GALNT1: variants seen among roughly 807,000 people sequenced by gnomAD.
GALNT1 encodes the protein polypeptide N-acetylgalactosaminyltransferase 1.
Under a neutral mutation model 65.7 loss-of-function variants are expected in GALNT1, and 17 were observed. The ratio of observed to expected loss-of-function variants is 0.26; its 90% CI spans 0.18 to 0.39. The LOEUF is 0.39. Among genes scored for constraint, GALNT1 ranks in the 10% least tolerant of loss-of-function variants. GALNT1 has a pLI of 1.00. For missense variants in GALNT1, 460 were observed against 672.8 expected (o/e 0.68, Z 3.50); for synonymous variants, 210 against 219.7 (o/e 0.96, Z 0.39).
chr18:35,589,567 T>C (rs1273144888), intron 1 of GALNT1, among the ~76,000 whole-genome samples: 1 of 152,218 alleles, frequency 6.6e-6, no homozygotes, highest in Non-Finnish European at 1.5e-5. Context: ...AGCTGGGATA[T>C]ATGAGGCAAA....
chr18:35,665,116 A>G (rs1187576800), intron 3 of GALNT1, among the ~76,000 whole-genome samples: 1 of 152,230 alleles, frequency 6.6e-6, no homozygotes, highest in African/African-American at 2.4e-5. Context: ...AATAACAAAT[A>G]GGTAAGCAAG....
At chr18:35,594,540 A>G (rs1443944449) in intron 1 of GALNT1, among the ~76,000 whole-genome samples, 1 of 152,202 alleles carries the variant, frequency 6.6e-6, no homozygotes, top group Non-Finnish European at 1.5e-5. Flanking sequence ...TAATGCCACT[A>G]TCCTAGAAGT....
intron 11 of GALNT1, among the ~76,000 whole-genome samples, chr18:35,706,726 C>T (rs2048268501): frequency 6.6e-6 from 1 of 152,074 alleles, no homozygotes; most frequent in Non-Finnish European, 1.5e-5. Flanking sequence ...TCTCCCTGGG[C>T]AGAGGGAGAA....
chr18:35,693,402 A>G (rs2048000588), intron 9 of GALNT1, among the ~76,000 whole-genome samples: 1 of 152,232 alleles, frequency 6.6e-6, no homozygotes, highest in Admixed American at 6.5e-5. Flanking sequence ...GGGTCAAATC[A>G]TATAAAGCTT....
intron 3 of GALNT1, among the ~76,000 whole-genome samples, chr18:35,666,471 G>A (rs2047550581): frequency 6.6e-6 from 1 of 152,082 alleles, no homozygotes; most frequent in Non-Finnish European, 1.5e-5. Flanking sequence ...TTAAAATGAT[G>A]CCTGTATTAT....
intron 1 of GALNT1, 126 bp downstream of exon 1, chr18:35,581,988 G>GGGGCGCGGGCACGCT (rs1169272010): frequency 6.6e-6 from 1 of 151,838 alleles, no homozygotes; most frequent in Non-Finnish European, 1.5e-5. Context: ...GCCTGGGGCC[G>GGGGCGCGGGCACGCT]GGGCGCGGGC....
At chr18:35,617,227 C>G (rs1454819277) in intron 1 of GALNT1, among the ~76,000 whole-genome samples, 2 of 151,994 alleles carry the variant, frequency 1.3e-5, no homozygotes, top group East Asian at 3.9e-4. Context: ...TGTTGTCTAA[C>G]TCATCTTTGT....
intron 1 of GALNT1, among the ~76,000 whole-genome samples, chr18:35,591,452 A>G (rs749943492): frequency 1.3e-5 from 2 of 152,208 alleles, no homozygotes; most frequent in Non-Finnish European, 1.5e-5. Context: ...ATATTAATTC[A>G]TTTGCTCTTT....
intron 3 of GALNT1, among the ~76,000 whole-genome samples, chr18:35,673,432 CTTTA>C (rs1468057958): frequency 1.1e-4 from 16 of 152,182 alleles, no homozygotes; most frequent in African/African-American, 2.2e-4. Flanking sequence ...GAGCAATCTA[CTTTA>C]TTTAAGCCTC....
intron 1 of GALNT1, among the ~76,000 whole-genome samples, chr18:35,590,566 G>C (rs756440950): frequency 6.6e-6 from 1 of 152,180 alleles, no homozygotes; most frequent in Non-Finnish European, 1.5e-5. Context: ...TTGTAGAAAG[G>C]AGTAGAATTT....
At chr18:35,698,697 G>T (rs2048103500) in intron 9 of GALNT1, among the ~76,000 whole-genome samples, 1 of 151,946 alleles carries the variant, frequency 6.6e-6, no homozygotes, top group South Asian at 2.1e-4. Context: ...AGCCAACACG[G>T]CCAGGCGCCG....
intron 9 of GALNT1, among the ~76,000 whole-genome samples, chr18:35,697,302 T>A (rs1483777876): frequency 6.6e-6 from 1 of 152,154 alleles, no homozygotes; most frequent in African/African-American, 2.4e-5. Flanking sequence ...AATTCTGTGT[T>A]GTAAATAATA....
chr18:35,650,125 A>G (rs1019785199), intron 1 of GALNT1, among the ~76,000 whole-genome samples: 2 of 152,066 alleles, frequency 1.3e-5, no homozygotes, highest in Middle Eastern at 3.2e-3. Flanking sequence ...GCCCTTTTCT[A>G]TTTTCCCTAA....
chr18:35,675,356 A>G (rs1247219486), intron 3 of GALNT1, among the ~76,000 whole-genome samples: 1 of 152,074 alleles, frequency 6.6e-6, no homozygotes, highest in Non-Finnish European at 1.5e-5. Context: ...TTAATTTATG[A>G]ATTTGTTATG....
chr18:35,703,472 A>T (rs779203368), intron 10 of GALNT1, 37 bp from the exon 11 acceptor site: 64 of 1,590,990 alleles, frequency 4.0e-5, no homozygotes, highest in Admixed American at 1.6e-4. Context: ...TGACTAATTT[A>T]TTTTTTCTGT....
At chr18:35,632,890 A>G (rs1295459751) in intron 1 of GALNT1, among the ~76,000 whole-genome samples, 1 of 152,260 alleles carries the variant, frequency 6.6e-6, no homozygotes, top group African/African-American at 2.4e-5. Context: ...GGCGAAGGAT[A>G]TGAACAGACA....
intron 7 of GALNT1, 96 bp from the exon 8 acceptor site, chr18:35,690,916 C>T: frequency 8.6e-7 from 1 of 1,158,204 alleles, no homozygotes; most frequent in Non-Finnish European, 1.2e-6. Flanking sequence ...AGCCAAACCC[C>T]TATTTAATTG....
chr18:35,700,204 G>A (rs1379460784), intron 9 of GALNT1, among the ~76,000 whole-genome samples: 2 of 152,100 alleles, frequency 1.3e-5, no homozygotes, highest in Admixed American at 6.6e-5. Flanking sequence ...CTAGCCAGGC[G>A]GTATATAGAG....
intron 11 of GALNT1, among the ~76,000 whole-genome samples, chr18:35,708,076 G>C (rs532780345): frequency 6.6e-6 from 1 of 152,034 alleles, no homozygotes; most frequent in East Asian, 1.9e-4. Flanking sequence ...ATAAAAACCC[G>C]GTGAGGTATT....
Sources: gnomAD v4.1 joint callset for allele counts (sites outside exome capture counted in the v4.1 genomes callset) on GRCh38, gnomAD v4.1.1 for gene constraint, MANE v1.5 for transcripts, NCBI Gene and HGNC (gene_info 2026-07-23, HGNC 2026-07-21) for gene names.